Variants in ROR1 observed in about 807,000 individuals in gnomAD.
The protein encoded by ROR1 is inactive tyrosine-protein kinase transmembrane receptor ROR1.
In ROR1, 19 loss-of-function variants were observed where a neutral mutation model predicts 78.8. That is an observed-to-expected ratio of 0.24 (90% CI 0.17 to 0.35). The LOEUF is 0.35. ROR1 is among the 10% of genes least tolerant of loss of function. ROR1 has a pLI of 1.00. For synonymous variants in ROR1, 386 were observed against 433.6 expected, an observed-to-expected ratio of 0.89 and a Z score of 1.36; for missense variants, 917 against 1,177.8, an observed-to-expected ratio of 0.78 and a Z score of 3.24.
chr1:64,117,278 T>G (rs1441303773), intron 4 of ROR1, among the ~76,000 whole-genome samples: 1 of 152,152 alleles, frequency 6.6e-6, no homozygotes, highest in East Asian at 1.9e-4. Flanking sequence ...TCGACCTCAT[T>G]TTCCTCATCT....
At chr1:64,108,742 G>A (rs959382726) in intron 4 of ROR1, among the ~76,000 whole-genome samples, 7 of 152,144 alleles carry the variant, frequency 4.6e-5, no homozygotes, top group Admixed American at 1.3e-4. Flanking sequence ...AAAAGTCAGA[G>A]AGATGAAGTC....
At chr1:64,155,635 G>A (rs1369898978) in intron 7 of ROR1, among the ~76,000 whole-genome samples, 2 of 152,182 alleles carry the variant, frequency 1.3e-5, no homozygotes, top group African/African-American at 4.8e-5. Flanking sequence ...TGAATAATCT[G>A]ATAGGGCATG....
rs141769188 is a variant in ROR1 at position 64,115,387 on chromosome 1, T to C, written c.483-21982T>C. On this transcript the variant is annotated intron_variant, in intron 4 of 8. Transcript: ENST00000371079. ...CATGCCACCATGCCTGGCTAATTTTTAATTTTTATTTATTTATTTATTTAT... is the reference window on the plus strand; with the variant it reads ...CATGCCACCATGCCTGGCTAATTTTCAATTTTTATTTATTTATTTATTTAT... Among the ~76,000 whole-genome samples the C allele has an allele frequency of 2.6e-5, 4 of 152,132 alleles. No homozygotes were observed. In the East Asian group the frequency reaches 7.7e-4, roughly 29 times the overall value.
intron 1 of ROR1, among the ~76,000 whole-genome samples, chr1:63,821,511 T>C (rs1644923303): frequency 6.6e-6 from 1 of 152,218 alleles, no homozygotes; most frequent in Non-Finnish European, 1.5e-5. Context: ...TCTGGGAAAC[T>C]GAGAGCACCC....
At chr1:64,149,058 A>C (rs928619407) in intron 7 of ROR1, among the ~76,000 whole-genome samples, 5 of 152,152 alleles carry the variant, frequency 3.3e-5, no homozygotes, top group African/African-American at 9.7e-5. Context: ...TATAGTTCCC[A>C]GTTTTATGTC....
At chr1:63,852,626 C>G (rs1176368639) in intron 1 of ROR1, among the ~76,000 whole-genome samples, 1 of 152,122 alleles carries the variant, frequency 6.6e-6, no homozygotes, top group Non-Finnish European at 1.5e-5. Context: ...AGGAAGAAAC[C>G]TTTGTAGACA....
chr1:64,045,844 G>T (rs1646779023), intron 2 of ROR1, among the ~76,000 whole-genome samples: 1 of 152,138 alleles, frequency 6.6e-6, no homozygotes, highest in South Asian at 2.1e-4. Flanking sequence ...GGTGGATTCA[G>T]TGGGACTGGA....
chr1:63,828,620 A>G (rs774194021), intron 1 of ROR1, among the ~76,000 whole-genome samples: 1 of 152,160 alleles, frequency 6.6e-6, no homozygotes, highest in Non-Finnish European at 1.5e-5. Context: ...CTTTACATGC[A>G]TGGTTTATTT....
chr1:64,070,093 C>G (rs1321599722), intron 4 of ROR1, among the ~76,000 whole-genome samples: 2 of 152,156 alleles, frequency 1.3e-5, no homozygotes, highest in Non-Finnish European at 2.9e-5. Context: ...GGCAAATGAT[C>G]CTGCCTATGT....
chr1:64,156,938 T>C (rs759974368), intron 7 of ROR1, among the ~76,000 whole-genome samples: 7 of 152,138 alleles, frequency 4.6e-5, no homozygotes, highest in Non-Finnish European at 7.4e-5. Flanking sequence ...TTTGACTTAC[T>C]AGCAGCATGT....
chr1:63,910,780 C>T (rs1645563867), intron 1 of ROR1, among the ~76,000 whole-genome samples: 1 of 152,160 alleles, frequency 6.6e-6, no homozygotes, highest in Admixed American at 6.5e-5. Flanking sequence ...GGCCACTGCA[C>T]AAATGCCTGT....
intron 1 of ROR1, among the ~76,000 whole-genome samples, chr1:63,809,629 G>A (rs1430217058): frequency 6.6e-6 from 1 of 152,164 alleles, no homozygotes; most frequent in African/African-American, 2.4e-5. Context: ...TGGCATCTAA[G>A]CAGAGAGACC....
intron 1 of ROR1, among the ~76,000 whole-genome samples, chr1:63,913,549 A>G (rs375093249): frequency 6.6e-6 from 1 of 152,126 alleles, no homozygotes. Flanking sequence ...TTCATTCTAC[A>G]TGTATTCATT....
chr1:64,087,249 T>TC (rs1360433219), intron 4 of ROR1, among the ~76,000 whole-genome samples: 4 of 152,210 alleles, frequency 2.6e-5, no homozygotes, highest in Non-Finnish European at 5.9e-5. Context: ...AGAATAATTT[T>TC]CAAAGGAATC....
intron 2 of ROR1, among the ~76,000 whole-genome samples, chr1:64,013,687 C>G (rs59775796): frequency 0.03 from 4,540 of 152,286 alleles, 257 homozygotes; most frequent in African/African-American, 0.11. Context: ...ATTAACAAAT[C>G]CTTCCATCAA....
At chr1:63,978,977 T>C (rs1368453924) in intron 1 of ROR1, among the ~76,000 whole-genome samples, 1 of 152,160 alleles carries the variant, frequency 6.6e-6, no homozygotes, top group East Asian at 1.9e-4. Flanking sequence ...AGTTCAAGTC[T>C]GAAGGCCATC....
chr1:63,864,943 A>G (rs1236932405), intron 1 of ROR1, among the ~76,000 whole-genome samples: 1 of 151,516 alleles, frequency 6.6e-6, no homozygotes. Flanking sequence ...TTACTCATCC[A>G]ATCTGTGAGT....
At chr1:64,074,756 T>A (rs1270039655) in intron 4 of ROR1, among the ~76,000 whole-genome samples, 1 of 152,356 alleles carries the variant, frequency 6.6e-6, no homozygotes, top group Non-Finnish European at 1.5e-5. Context: ...TGTTAGAGAC[T>A]GGCACAGGTG....
chr1:63,981,065 C>T (rs1646206538), intron 1 of ROR1, among the ~76,000 whole-genome samples: 1 of 151,810 alleles, frequency 6.6e-6, no homozygotes, highest in Non-Finnish European at 1.5e-5. Flanking sequence ...ATTGGAGAAA[C>T]CTGAATCAGT....
Sources: allele counts gnomAD v4.1 joint callset (sites outside exome capture counted in the v4.1 genomes callset), GRCh38; gene constraint gnomAD v4.1.1; transcripts MANE v1.5; gene names NCBI Gene and HGNC (gene_info 2026-07-23, HGNC 2026-07-21).